PTPRD: variants seen among roughly 807,000 people sequenced by gnomAD.
PTPRD encodes the protein receptor-type tyrosine-protein phosphatase delta.
Under a neutral mutation model 214.5 loss-of-function variants are expected in PTPRD, and 34 were observed. That is an observed-to-expected ratio of 0.16 (90% CI 0.12 to 0.21). PTPRD has a LOEUF of 0.21. PTPRD is among the 10% of genes least tolerant of loss of function. PTPRD has a pLI of 1.00. For missense variants in PTPRD, 2,545 were observed against 2,398.7 expected (o/e 1.06, Z -1.27); for synonymous variants, 1,128 against 845.7 (o/e 1.33, Z -5.79).
At chr9:10,479,802 C>A (rs2099086190) in intron 2 of PTPRD, among the ~76,000 whole-genome samples, 1 of 151,996 alleles carries the variant, frequency 6.6e-6, no homozygotes, top group African/African-American at 2.4e-5. Flanking sequence ...GCCTGGGCAA[C>A]AGGGTGAGAT....
At chr9:9,927,428 T>C (rs964176750) in intron 5 of PTPRD, among the ~76,000 whole-genome samples, 1 of 152,138 alleles carries the variant, frequency 6.6e-6, no homozygotes. Context: ...ACATCTGCAA[T>C]GCCATTCCCA....
At chr9:8,341,360 G>C in intron 40 of PTPRD, 92 bp from the exon 41 acceptor site, 2 of 1,335,010 alleles carry the variant, frequency 1.5e-6, no homozygotes, top group South Asian at 1.5e-5. Context: ...TTCCCTTTTA[G>C]ATATAAATCT....
chr9:10,247,925 A>G (rs1472693829), intron 3 of PTPRD, among the ~76,000 whole-genome samples: 1 of 152,270 alleles, frequency 6.6e-6, no homozygotes, highest in African/African-American at 2.4e-5. Flanking sequence ...GGAGGGACCC[A>G]GTGATAGACG....
chr9:8,904,420 C>G (rs2098693306), intron 11 of PTPRD, among the ~76,000 whole-genome samples: 1 of 152,068 alleles, frequency 6.6e-6, no homozygotes, highest in Non-Finnish European at 1.5e-5. Context: ...GCCTTTAATT[C>G]AAGCATTTTG....
At chr9:9,539,639 G>A (rs1372286621) in intron 8 of PTPRD, among the ~76,000 whole-genome samples, 1 of 151,840 alleles carries the variant, frequency 6.6e-6, no homozygotes, top group Non-Finnish European at 1.5e-5. Flanking sequence ...TTTTAAAAGT[G>A]ATGGATAAAA....
intron 3 of PTPRD, among the ~76,000 whole-genome samples, chr9:10,178,595 TA>T (rs1383038524): frequency 6.6e-6 from 1 of 151,900 alleles, no homozygotes; most frequent in Non-Finnish European, 1.5e-5. Flanking sequence ...AAGAACAAAC[TA>T]TTAAGTTGGA....
chr9:9,621,895 A>T (rs181058457), intron 7 of PTPRD, among the ~76,000 whole-genome samples: 427 of 152,284 alleles, frequency 2.8e-3, no homozygotes, highest in Non-Finnish European at 3.5e-3. Context: ...TTTACAACAT[A>T]TTCCTCTTGA....
At chr9:8,318,018 A>C (rs1341024580) in intron 45 of PTPRD, 76 bp from the exon 46 acceptor site, 10 of 1,415,186 alleles carry the variant, frequency 7.1e-6, no homozygotes, top group Admixed American at 1.7e-5. Context: ...AAAAATCAAT[A>C]TTGCATAACA....
intron 12 of PTPRD, among the ~76,000 whole-genome samples, chr9:8,670,695 G>C (rs912336998): frequency 1.3e-5 from 2 of 152,118 alleles, no homozygotes; most frequent in Non-Finnish European, 2.9e-5. Context: ...TGTTCCAAAA[G>C]AAAGGATGAC....
At chr9:8,716,932 A>G (rs557985894) in intron 12 of PTPRD, among the ~76,000 whole-genome samples, 1 of 152,300 alleles carries the variant, frequency 6.6e-6, no homozygotes, top group African/African-American at 2.4e-5. Flanking sequence ...CTGGGAGGCT[A>G]AGGGGAGCAA....
intron 9 of PTPRD, among the ~76,000 whole-genome samples, chr9:9,390,686 G>T (rs758905605): frequency 6.6e-6 from 1 of 152,164 alleles, no homozygotes; most frequent in Non-Finnish European, 1.5e-5. Flanking sequence ...TGCTTTACAT[G>T]ATCAACTGAA....
intron 14 of PTPRD, among the ~76,000 whole-genome samples, chr9:8,555,541 C>T (rs915842170): frequency 2.0e-5 from 3 of 152,226 alleles, no homozygotes; most frequent in African/African-American, 7.2e-5. Context: ...TGATGTTAAA[C>T]ACTAAATCCA....
chr9:9,286,309 T>C (rs375583573), intron 9 of PTPRD, among the ~76,000 whole-genome samples: 16 of 151,998 alleles, frequency 1.1e-4, no homozygotes, highest in African/African-American at 3.9e-4. Context: ...TGTTATCAGA[T>C]GAGTCCCAGC....
chr9:8,746,694 G>C (rs1228206042), intron 11 of PTPRD, among the ~76,000 whole-genome samples: 1 of 152,040 alleles, frequency 6.6e-6, no homozygotes, highest in Non-Finnish European at 1.5e-5. Flanking sequence ...TAAAAACATC[G>C]ATCAAACTTC....
chr9:10,315,449 G>A (rs1403983683), intron 3 of PTPRD, among the ~76,000 whole-genome samples: 1 of 151,582 alleles, frequency 6.6e-6, no homozygotes, highest in Admixed American at 6.6e-5. Flanking sequence ...TGAAACTATA[G>A]GTTTCATATA....
At chr9:9,415,197 A>G (rs1200891908) in intron 8 of PTPRD, among the ~76,000 whole-genome samples, 1 of 152,120 alleles carries the variant, frequency 6.6e-6, no homozygotes, top group Non-Finnish European at 1.5e-5. Flanking sequence ...TTCAGATGGC[A>G]TAAAAAAGAC....
At chr9:10,280,468 G>A (rs567753184) in intron 3 of PTPRD, among the ~76,000 whole-genome samples, 1 of 152,008 alleles carries the variant, frequency 6.6e-6, no homozygotes, top group Non-Finnish European at 1.5e-5. Flanking sequence ...TAATAAAGAT[G>A]AGTTCAGAAT....
intron 11 of PTPRD, among the ~76,000 whole-genome samples, chr9:8,927,215 C>T (rs1314431955): frequency 6.6e-6 from 1 of 152,018 alleles, no homozygotes; most frequent in African/African-American, 2.4e-5. Flanking sequence ...CTGTTTTTCT[C>T]ATATTTATTT....
chr9:10,354,871 T>A (rs140409692), intron 2 of PTPRD, among the ~76,000 whole-genome samples: 1 of 152,184 alleles, frequency 6.6e-6, no homozygotes, highest in Non-Finnish European at 1.5e-5. Flanking sequence ...CTAGTACATA[T>A]CATAATTTTG....
Sources: gnomAD v4.1 joint callset for allele counts (sites outside exome capture counted in the v4.1 genomes callset) on GRCh38, gnomAD v4.1.1 for gene constraint, MANE v1.5 for transcripts, NCBI Gene and HGNC (gene_info 2026-07-23, HGNC 2026-07-21) for gene names.